Variants in HDAC9 observed in about 807,000 individuals in gnomAD.
The protein encoded by HDAC9 is histone deacetylase 9.
A neutral mutation model predicts 139.4 loss-of-function variants in HDAC9; 41 were observed. The ratio of observed to expected loss-of-function variants is 0.29; its 90% confidence interval spans 0.23 to 0.38. HDAC9 has a LOEUF of 0.38. Among genes scored for constraint, HDAC9 ranks in the 10% least tolerant of loss-of-function variants. The probability of loss-of-function intolerance (pLI) is 1.00; values close to 1 mark genes in which losing one functional copy is unlikely to be tolerated. For missense variants in HDAC9, 1,147 were observed against 1,297.0 expected (o/e 0.88, Z 1.78); for synonymous variants, 517 against 476.2 (o/e 1.09, Z -1.12).
intron 2 of HDAC9, among the ~76,000 whole-genome samples, chr7:18,167,339 A>C (rs559806225): frequency 1.3e-5 from 2 of 152,216 alleles, no homozygotes; most frequent in Non-Finnish European, 2.9e-5. Flanking sequence ...TTTGAAGGAC[A>C]GTGCTTTAAT....
intron 20 of HDAC9, 96 bp downstream of exon 20, chr7:18,835,682 T>C: frequency 2.7e-6 from 4 of 1,503,412 alleles, no homozygotes; most frequent in Non-Finnish European, 3.7e-6. Context: ...TTGCTGGTGT[T>C]TTAAATTACA....
At chr7:18,759,025 A>C (rs918931735) in intron 14 of HDAC9, among the ~76,000 whole-genome samples, 1 of 152,184 alleles carries the variant, frequency 6.6e-6, no homozygotes, top group Non-Finnish European at 1.5e-5. Context: ...AAGGAGAAAA[A>C]GATAAATCAA....
intron 12 of HDAC9, among the ~76,000 whole-genome samples, chr7:18,674,879 T>C (rs887249791): frequency 6.6e-6 from 1 of 151,992 alleles, no homozygotes; most frequent in African/African-American, 2.4e-5. Flanking sequence ...TCTTGATGAA[T>C]TTATTATTTA....
Position 18,735,421 on chromosome 7 carries a change from A to C in HDAC9, c.1909+7664A>C, listed in dbSNP as rs562735830. On this transcript the variant is annotated intron_variant, in intron 13 of 25. Coordinates refer to ENST00000686413, the MANE Select transcript of HDAC9 (RefSeq NM_178425.4). ...CTGAGTTAATTTTTGTATAAGGTGT[A>C]AGGAAGGGATCCAGTTCAGCTTTCT... 8.4e-3 allele frequency among the ~76,000 whole-genome samples: 1,272 copies of C among 152,274 alleles called. 17 individuals carry two copies. Among genetic ancestry groups the C allele is most frequent in the African/African-American group, 0.029 (1,218 of 41,542 alleles).
At chr7:18,383,825 C>T (rs1585518486) in intron 1 of HDAC9, among the ~76,000 whole-genome samples, 2 of 149,936 alleles carry the variant, frequency 1.3e-5, no homozygotes, top group Non-Finnish European at 3.0e-5. Flanking sequence ...GGAGGCGGAG[C>T]TTGCAGTGAG....
At chr7:18,461,316 A>G (rs754318296) in intron 1 of HDAC9, among the ~76,000 whole-genome samples, 39 of 152,198 alleles carry the variant, frequency 2.6e-4, no homozygotes, top group Admixed American at 8.5e-4. Context: ...GCTTAAGTAG[A>G]TATTGGTAAT....
chr7:18,572,663 T>C (rs1824691391), intron 2 of HDAC9, among the ~76,000 whole-genome samples: 2 of 152,144 alleles, frequency 1.3e-5, no homozygotes. Context: ...CAAGATTTCA[T>C]TTTTAGGTAC....
intron 1 of HDAC9, among the ~76,000 whole-genome samples, chr7:18,483,386 A>T (rs1795730965): frequency 6.6e-6 from 1 of 152,214 alleles, no homozygotes; most frequent in Non-Finnish European, 1.5e-5. Context: ...TTTTCAGAAA[A>T]AGCAGAATAA....
chr7:18,433,360 C>T (rs1205887404), intron 1 of HDAC9, among the ~76,000 whole-genome samples: 1 of 152,148 alleles, frequency 6.6e-6, no homozygotes, highest in Non-Finnish European at 1.5e-5. Flanking sequence ...TTTCACCACT[C>T]CTATTTGACA....
upstream of HDAC9, among the ~76,000 whole-genome samples, chr7:18,491,334 G>A (rs1225398105): frequency 1.3e-5 from 2 of 151,698 alleles, no homozygotes; most frequent in African/African-American, 4.8e-5. Flanking sequence ...AAAACACTCA[G>A]GTATACTAGC....
intron 22 of HDAC9, among the ~76,000 whole-genome samples, chr7:18,897,245 T>A (rs1468500995): frequency 6.6e-6 from 1 of 152,004 alleles, no homozygotes; most frequent in Non-Finnish European, 1.5e-5. Context: ...TAACAGAGTG[T>A]GGTTAAGAAA....
intron 2 of HDAC9, among the ~76,000 whole-genome samples, chr7:18,204,926 TAG>T (rs1791389419): frequency 6.6e-6 from 1 of 152,076 alleles, no homozygotes; most frequent in Admixed American, 6.5e-5. Flanking sequence ...TTATTGACTC[TAG>T]GTTTAAAAAG....
At chr7:18,914,016 T>C (rs1455932417) in intron 22 of HDAC9, among the ~76,000 whole-genome samples, 2 of 151,998 alleles carry the variant, frequency 1.3e-5, no homozygotes, top group South Asian at 2.1e-4. Context: ...AATGTTATAA[T>C]GTTAGGAGGT....
intron 6 of HDAC9, among the ~76,000 whole-genome samples, chr7:18,596,941 C>T (rs560448682): frequency 6.6e-6 from 1 of 152,102 alleles, no homozygotes; most frequent in Non-Finnish European, 1.5e-5. Context: ...TGAGATAGCC[C>T]TAGGATGTCC....
intron 17 of HDAC9, among the ~76,000 whole-genome samples, chr7:18,815,465 G>A (rs1300193433): frequency 1.3e-5 from 2 of 152,140 alleles, no homozygotes; most frequent in African/African-American, 2.4e-5. Context: ...TGGATCCATT[G>A]TTATTATTTT....
At chr7:18,748,016 A>G (rs972628982) in intron 13 of HDAC9, among the ~76,000 whole-genome samples, 3 of 152,190 alleles carry the variant, frequency 2.0e-5, no homozygotes, top group African/African-American at 7.2e-5. Flanking sequence ...CTCCCCATCT[A>G]CAAATATACT....
intron 12 of HDAC9, among the ~76,000 whole-genome samples, chr7:18,704,767 T>G (rs556633651): frequency 1.2e-3 from 182 of 152,268 alleles, no homozygotes; most frequent in African/African-American, 4.2e-3. Flanking sequence ...TGATAATAAT[T>G]TTTAAAAATA....
chr7:18,576,021 A>C (rs1269108677), intron 2 of HDAC9, among the ~76,000 whole-genome samples: 2 of 152,244 alleles, frequency 1.3e-5, no homozygotes, highest in Non-Finnish European at 2.9e-5. Context: ...TCAGAAAAAC[A>C]TCTATATTAA....
At chr7:18,278,101 A>C (rs924411863) in intron 2 of HDAC9, among the ~76,000 whole-genome samples, 4 of 152,182 alleles carry the variant, frequency 2.6e-5, no homozygotes, top group Non-Finnish European at 5.9e-5. Context: ...GAAGTATTTT[A>C]ATCATTACTT....
Sources: gnomAD v4.1 joint callset for allele counts (sites outside exome capture counted in the v4.1 genomes callset) on GRCh38, gnomAD v4.1.1 for gene constraint, MANE v1.5 for transcripts, NCBI Gene and HGNC (gene_info 2026-07-23, HGNC 2026-07-21) for gene names.